The following NR3C2 variants were observed in gnomAD, a reference collection of about 807,000 sequenced individuals.
NR3C2 encodes mineralocorticoid receptor.
In NR3C2, 15 loss-of-function variants were observed where a neutral mutation model predicts 86.4. That is an observed-to-expected ratio of 0.17 (90% CI 0.12 to 0.27). The LOEUF (loss-of-function observed/expected upper bound fraction) is 0.27, where lower values mean the gene tolerates loss of function less well. Among genes scored for constraint, NR3C2 ranks in the 10% least tolerant of loss-of-function variants. NR3C2 has a pLI of 1.00. For missense variants in NR3C2, 960 were observed against 1,195.6 expected (o/e 0.80, Z 2.91); for synonymous variants, 458 against 450.5 (o/e 1.02, Z -0.21).
At chr4:148,177,354 T>C (rs1041055915) in intron 4 of NR3C2, among the ~76,000 whole-genome samples, 9 of 152,220 alleles carry the variant, frequency 5.9e-5, no homozygotes, top group Non-Finnish European at 1.2e-4. Context: ...TTGAATATCA[T>C]ACATTTACTA....
rs1561083348 is a variant in NR3C2 at position 148,395,936 on chromosome 4, C to T, written c.1757+39168G>A. The stretch of plus-strand genomic sequence containing the variant: ...GTTAATCCTGCCCTCAGTATACTTA[C>T]AGGCAGCTAGAGGTGGAAGCTATAC... On this transcript the variant is annotated intron_variant, in intron 2 of 8. Coordinates refer to ENST00000358102, the MANE Select transcript of NR3C2 (RefSeq NM_000901.5). Among the ~76,000 whole-genome samples, 3 of 152,208 alleles carry T rather than the reference C, an allele frequency of 2.0e-5. No homozygotes were observed. The South Asian group carries it at 6.2e-4, about 31-fold the overall frequency.
chr4:148,293,460 T>A (rs895738066), intron 2 of NR3C2, among the ~76,000 whole-genome samples: 1 of 152,216 alleles, frequency 6.6e-6, no homozygotes, highest in African/African-American at 2.4e-5. Flanking sequence ...ATCTTATAGA[T>A]GGGGCCTACA....
intron 2 of NR3C2, among the ~76,000 whole-genome samples, chr4:148,321,075 G>C (rs1228484708): frequency 6.6e-6 from 1 of 151,130 alleles, no homozygotes; most frequent in Non-Finnish European, 1.5e-5. Flanking sequence ...CTGGTATGTT[G>C]TGTCTTTGTT....
intron 6 of NR3C2, among the ~76,000 whole-genome samples, chr4:148,141,091 A>G (rs1035042163): frequency 1.3e-5 from 2 of 152,192 alleles, no homozygotes; most frequent in Non-Finnish European, 2.9e-5. Context: ...CATGTGCCAG[A>G]AAGAGCACAT....
At chr4:148,376,339 A>G (rs1746679950) in intron 2 of NR3C2, among the ~76,000 whole-genome samples, 1 of 152,190 alleles carries the variant, frequency 6.6e-6, no homozygotes, top group South Asian at 2.1e-4. Flanking sequence ...GCAGTTGGCC[A>G]TATTTACAGT....
At chr4:148,252,730 C>T (rs1209701769) in intron 3 of NR3C2, among the ~76,000 whole-genome samples, 7 of 152,290 alleles carry the variant, frequency 4.6e-5, no homozygotes, top group Admixed American at 4.6e-4. Context: ...CCAGACTCGA[C>T]AAAGGCCTTG....
chr4:148,187,370 GT>G (rs1418040328), intron 4 of NR3C2, among the ~76,000 whole-genome samples: 1 of 150,620 alleles, frequency 6.6e-6, no homozygotes, highest in Non-Finnish European at 1.5e-5. Flanking sequence ...AACATCTACT[GT>G]TTTTTTATTT....
chr4:148,433,106 TA>T (rs1303836209), intron 2 of NR3C2, among the ~76,000 whole-genome samples: 1 of 152,158 alleles, frequency 6.6e-6, no homozygotes, highest in East Asian at 1.9e-4. Context: ...TCAAGGTCAC[TA>T]ATTCATACTA....
At chr4:148,274,705 CTTT>C (rs34170216) in intron 2 of NR3C2, among the ~76,000 whole-genome samples, 10 of 129,182 alleles carry the variant, frequency 7.7e-5, no homozygotes, top group Admixed American at 3.2e-4. Flanking sequence ...GTAGTTTTTT[CTTT>C]TTTTTTTTTT....
At chr4:148,305,806 G>A (rs531566437) in intron 2 of NR3C2, among the ~76,000 whole-genome samples, 8 of 152,292 alleles carry the variant, frequency 5.3e-5, no homozygotes, top group African/African-American at 1.9e-4. Flanking sequence ...ACAGGTGGAC[G>A]TTCTCTCAGG....
intron 2 of NR3C2, among the ~76,000 whole-genome samples, chr4:148,422,511 G>A (rs936715899): frequency 2.7e-4 from 41 of 152,038 alleles, no homozygotes; most frequent in Admixed American, 3.3e-4. Context: ...AATTTCAAAC[G>A]TATCGAAAAA....
intron 6 of NR3C2, among the ~76,000 whole-genome samples, chr4:148,150,762 C>T (rs796978219): frequency 2.0e-5 from 3 of 152,166 alleles, no homozygotes; most frequent in African/African-American, 7.2e-5. Flanking sequence ...AGTCAGTAAG[C>T]AAATATGCAA....
chr4:148,082,665 GTTTTT>G (rs11381991), intron 8 of NR3C2, among the ~76,000 whole-genome samples: 1 of 130,922 alleles, frequency 7.6e-6, no homozygotes, highest in East Asian at 2.3e-4. Context: ...GCTAGCTGCA[GTTTTT>G]TTTTTTTTTT....
At chr4:148,247,833 T>C (rs1245236640) in intron 3 of NR3C2, among the ~76,000 whole-genome samples, 2 of 152,036 alleles carry the variant, frequency 1.3e-5, no homozygotes, top group African/African-American at 4.8e-5. Context: ...CCCCATCATG[T>C]GTCTTCTCAG....
At chr4:148,192,497 TA>T (rs1192874854) in intron 4 of NR3C2, among the ~76,000 whole-genome samples, 1 of 152,184 alleles carries the variant, frequency 6.6e-6, no homozygotes, top group African/African-American at 2.4e-5. Context: ...GCATCAGTTG[TA>T]GTAGTGTGCT....
chr4:148,338,704 A>G (rs1473416151), intron 2 of NR3C2, among the ~76,000 whole-genome samples: 1 of 152,192 alleles, frequency 6.6e-6, no homozygotes, highest in East Asian at 1.9e-4. Context: ...GAGCCCCAAG[A>G]GGGTATCTTC....
In NR3C2 at chr4:148,215,952, T is replaced by G. The variant is rs185824609; in HGVS notation, c.1898-21090A>C. Among the ~76,000 whole-genome samples the G allele has an allele frequency of 5.8e-3, 888 of 151,832 alleles. 2 individuals carry two copies. Among genetic ancestry groups the G allele is most frequent in the African/African-American group, 0.013 (558 of 41,370 alleles). ...CCACCACCACGCCTAGCTATTTTTT[T>G]TGTGTGTGTGTGTTTTTAGTAGAGA... On this transcript the variant is annotated intron_variant, in intron 3 of 8. Transcript: ENST00000358102.
chr4:148,248,894 A>C (rs1739441769), intron 3 of NR3C2, among the ~76,000 whole-genome samples: 1 of 152,186 alleles, frequency 6.6e-6, no homozygotes, highest in African/African-American at 2.4e-5. Context: ...GCTGTTTCTA[A>C]AGCAGTTTAA....
chr4:148,348,602 C>T (rs900861680), intron 2 of NR3C2, among the ~76,000 whole-genome samples: 3 of 152,076 alleles, frequency 2.0e-5, no homozygotes, highest in Non-Finnish European at 2.9e-5. Context: ...CCAGGGTCAT[C>T]ATTATGAACT....
Sources: gnomAD v4.1 joint callset for allele counts (sites outside exome capture counted in the v4.1 genomes callset) on GRCh38, gnomAD v4.1.1 for gene constraint, MANE v1.5 for transcripts, NCBI Gene and HGNC (gene_info 2026-07-23, HGNC 2026-07-21) for gene names.